Variants in WDFY3 observed in about 807,000 individuals in gnomAD.
The protein encoded by WDFY3 is WD repeat and FYVE domain-containing protein 3.
WDFY3 carries 66 observed loss-of-function variants against 409.6 expected under a neutral mutation model. The ratio of observed to expected loss-of-function variants is 0.16; its 90% CI spans 0.13 to 0.20. The LOEUF (loss-of-function observed/expected upper bound fraction) is 0.20. Among genes scored for constraint, WDFY3 ranks in the 10% least tolerant of loss-of-function variants. WDFY3 has a pLI of 1.00. For synonymous variants in WDFY3, 1,521 were observed against 1,537.1 expected (o/e 0.99, Z 0.25); for missense variants, 3,031 against 4,298.1 (o/e 0.71, Z 8.24).
rs747133741 is a variant in WDFY3, at chr4:84,803,477, A to G, written c.2430-10T>C. The G allele has an allele frequency of 3.9e-5, 62 of 1,596,442 alleles. 1 individual carries two copies. The South Asian group carries it at 6.9e-4, about 18-fold the overall frequency. On this transcript the variant is annotated splice_polypyrimidine_tract_variant and intron_variant, in intron 15 of 67. Transcript: ENST00000295888. Reference sequence around the variant, plus strand: ...AGAATGATATGCATGCCTATAAAAAAAGAAAGAGTAAATTTGGTATTGAAT... The same window carrying G: ...AGAATGATATGCATGCCTATAAAAAGAGAAAGAGTAAATTTGGTATTGAAT...
intron 2 of WDFY3, among the ~76,000 whole-genome samples, chr4:84,907,622 C>T (rs930177530): frequency 1.3e-5 from 2 of 152,168 alleles, no homozygotes; most frequent in African/African-American, 4.8e-5. Context: ...CTCCTAAATA[C>T]CTGGCCCACA....
intron 3 of WDFY3, among the ~76,000 whole-genome samples, chr4:84,881,599 T>C (rs1281498181): frequency 2.1e-5 from 3 of 145,712 alleles, no homozygotes; most frequent in Non-Finnish European, 4.5e-5. Flanking sequence ...AAAAAAAAGA[T>C]TGTTAAGCCA....
chr4:84,942,829 A>G (rs1353614590), intron 1 of WDFY3, among the ~76,000 whole-genome samples: 3 of 152,078 alleles, frequency 2.0e-5, no homozygotes, highest in Non-Finnish European at 4.4e-5. Context: ...CCAAGTATGT[A>G]TATGTTTTGC....
At position 84,772,796 on chromosome 4, in the gene WDFY3, G is replaced by A. The variant is rs1338905726; in HGVS notation, c.4849+39C>T. 4.6e-6 allele frequency: 7 copies of A among 1,536,736 alleles called. No individual in the cohort carries two copies. In the South Asian group the frequency reaches 5.8e-5, roughly 13 times the overall value. Reference sequence around the variant, plus strand: ...CAGAAGAAAAAAGGCATAATATTTAGTTGACCACTATCTTCTCCAAGCTCC... The same window carrying A: ...CAGAAGAAAAAAGGCATAATATTTAATTGACCACTATCTTCTCCAAGCTCC... On this transcript the variant is annotated intron_variant, in intron 30 of 67. Coordinates refer to ENST00000295888, the MANE Select transcript of WDFY3 (RefSeq NM_014991.6).
intron 32 of WDFY3, among the ~76,000 whole-genome samples, chr4:84,762,319 T>C (rs1394073167): frequency 6.6e-6 from 1 of 151,878 alleles, no homozygotes; most frequent in Non-Finnish European, 1.5e-5. Flanking sequence ...TGTAGGGACA[T>C]GGATGAAACT....
At position 84,801,824 on chromosome 4, in the gene WDFY3, T is replaced by A. The variant is rs778219984; in HGVS notation, c.2648A>T (p.Gln883Leu). 1 of 1,614,160 alleles carries A rather than the reference T, an allele frequency of 6.2e-7. No individual in the cohort carries two copies. The highest frequency in any genetic ancestry group is 1.7e-5 in the Admixed American group (1 of 60,024). Residue 883 changes from glutamine (Q) to leucine (L), a missense_variant, in exon 17 of 68, where the codon CAA becomes CTA. Gln to Leu is a moderately radical substitution (Grantham distance 113). This residue lies in a region of WDFY3 where 1,322 missense variants were observed against 1,697.9 expected (regional missense o/e 0.78). Transcript: ENST00000295888. ...DLQLAVANIL[Q>L]SLVHTERNQQ... ...GTTCCTTTCTGTGTGCACCAGGGAT[T>A]GTAAAATATTTGCCACGGCAAGTTG...
At chr4:84,806,899 C>T (rs768327165) in intron 15 of WDFY3, among the ~76,000 whole-genome samples, 3 of 152,142 alleles carry the variant, frequency 2.0e-5, no homozygotes, top group Admixed American at 6.6e-5. Flanking sequence ...TGCGAGCCAC[C>T]GCACCTGGCC....
At chr4:84,746,186 G>A (rs1739418732) in intron 36 of WDFY3, among the ~76,000 whole-genome samples, 1 of 150,834 alleles carries the variant, frequency 6.6e-6, no homozygotes, top group Admixed American at 6.6e-5. Context: ...GCATGGTGGT[G>A]TGTGCCGGTA....
chr4:84,923,572 T>C (rs1032031164), intron 2 of WDFY3, among the ~76,000 whole-genome samples: 2 of 152,172 alleles, frequency 1.3e-5, no homozygotes, highest in African/African-American at 4.8e-5. Context: ...GCCCAACTAT[T>C]ACCCTAAGAG....
At chr4:84,912,821 T>A (rs1262378439) in intron 2 of WDFY3, among the ~76,000 whole-genome samples, 2 of 152,188 alleles carry the variant, frequency 1.3e-5, no homozygotes, top group African/African-American at 2.4e-5. Flanking sequence ...TTTAAGGGTA[T>A]AAAGGGATAG....
rs905821396 is a variant in WDFY3 at position 84,946,068 on chromosome 4, A to T, written c.-225-13705T>A. On this transcript the variant is annotated intron_variant, in intron 1 of 67. Transcript: ENST00000295888. ...CATATTCTCTGGCAGTGCCGTACAC[A>T]GTGTTAATGTGAGTGAAAGATTATC... 2.6e-5 allele frequency among the ~76,000 whole-genome samples: 4 copies of T among 152,252 alleles called. No individual in the cohort carries two copies. In the East Asian group the frequency reaches 7.8e-4, roughly 30 times the overall value.
chr4:84,936,322 A>G (rs551667456), intron 1 of WDFY3, among the ~76,000 whole-genome samples: 1 of 152,210 alleles, frequency 6.6e-6, no homozygotes, highest in South Asian at 2.1e-4. Flanking sequence ...GCAGTTTGAT[A>G]CCACACTGGG....
At chr4:84,740,126 A>T in intron 39 of WDFY3, 61 bp downstream of exon 39, 1 of 1,521,712 alleles carries the variant, frequency 6.6e-7, no homozygotes, top group Admixed American at 1.7e-5. Flanking sequence ...AAAATAAAGA[A>T]TTTTGTTGGA....
chr4:84,871,778 G>A (rs372523685), intron 3 of WDFY3, among the ~76,000 whole-genome samples: 35 of 152,194 alleles, frequency 2.3e-4, no homozygotes, highest in African/African-American at 7.2e-4. Context: ...GGGACTACAG[G>A]AGCATACCAC....
At chr4:84,744,230 T>G (rs1332964280) in intron 36 of WDFY3, among the ~76,000 whole-genome samples, 2 of 151,074 alleles carry the variant, frequency 1.3e-5, no homozygotes, top group African/African-American at 4.8e-5. Context: ...CCAAAAGAGA[T>G]ATGGTGGTTT....
In WDFY3 at chr4:84,817,219, A is replaced by T. The variant is rs1753428518; in HGVS notation, c.1887+173T>A. Among the ~76,000 whole-genome samples, 4 of 152,310 alleles carry T rather than the reference A, an allele frequency of 2.6e-5. No individual in the cohort carries two copies. The South Asian group carries it at 8.3e-4, about 32-fold the overall frequency. On this transcript the variant is annotated intron_variant, in intron 13 of 67. Transcript: ENST00000295888. ...ATCAGCAGAAGTAAAATATATACTG[A>T]AAGACATAAATGACTGGAGTTTTTC... is the stretch of plus-strand genomic sequence containing the variant.
intron 30 of WDFY3, among the ~76,000 whole-genome samples, chr4:84,768,065 A>G (rs1477854731): frequency 1.3e-5 from 2 of 152,218 alleles, no homozygotes; most frequent in East Asian, 3.8e-4. Flanking sequence ...CATGTGTGAC[A>G]AAGTGAGACC....
Position 84,769,407 on chromosome 4 carries a change from TTTA to T in WDFY3, c.4850-3038_4850-3036del, listed in dbSNP as rs997944996. On this transcript the variant is annotated intron_variant, in intron 30 of 67. Coordinates refer to ENST00000295888, the MANE Select transcript of WDFY3 (RefSeq NM_014991.6). Reference sequence around the variant, plus strand: ...GCTAACTATATTGTCTTTTTTTGCTTTTATTATTATTATTATTATTTTTTTGAG... The same window carrying T: ...GCTAACTATATTGTCTTTTTTTGCTTTTATTATTATTATTATTTTTTTGAG... Among the ~76,000 whole-genome samples the T allele has an allele frequency of 3.3e-5, 5 of 152,004 alleles. No homozygotes were observed. In the East Asian group the frequency reaches 7.8e-4, roughly 24 times the overall value.
intron 36 of WDFY3, among the ~76,000 whole-genome samples, chr4:84,750,274 G>A (rs1740280904): frequency 6.6e-6 from 1 of 152,078 alleles, no homozygotes; most frequent in Non-Finnish European, 1.5e-5. Flanking sequence ...ATGCATTAGT[G>A]AGGAAACCAA....
Sources: allele counts gnomAD v4.1 joint callset (sites outside exome capture counted in the v4.1 genomes callset), GRCh38; gene constraint gnomAD v4.1.1; regional missense constraint gnomAD v4.1.1; transcripts MANE v1.5; gene names NCBI Gene and HGNC (gene_info 2026-07-23, HGNC 2026-07-21).